ZNF385C: variants seen among roughly 807,000 people sequenced by gnomAD.
ZNF385C encodes zinc finger protein 385C, also known as CTD-2132N18.2.
In ZNF385C, 28 loss-of-function variants were observed where a neutral mutation model predicts 35.4. The observed-to-expected ratio is 0.79, with a 90% confidence interval of 0.59 to 1.08. The LOEUF (loss-of-function observed/expected upper bound fraction) is 1.08, where lower values mean the gene tolerates loss of function less well. Among genes scored for constraint, ZNF385C ranks in the 50% least tolerant of loss-of-function variants. The pLI is 0.00. For synonymous variants in ZNF385C, 248 were observed against 248.2 expected (o/e 1.00, Z 0.01); for missense variants, 605 against 595.6 (o/e 1.02, Z -0.16).
chr17:42,066,687 A>G (rs1427048721), intron 1 of ZNF385C, among the ~76,000 whole-genome samples: 4 of 152,176 alleles, frequency 2.6e-5, no homozygotes, highest in African/African-American at 9.7e-5. Context: ...TTATTTGGAA[A>G]TAGGGTCGTT....
At chr17:42,036,737 C>G (rs141050881) in intron 3 of ZNF385C, among the ~76,000 whole-genome samples, 3 of 152,116 alleles carry the variant, frequency 2.0e-5, no homozygotes, top group African/African-American at 7.2e-5. Context: ...CAATTGGAAC[C>G]ATGCCATTCA....
intron 2 of ZNF385C, 184 bp from the exon 3 acceptor site, chr17:42,038,069 T>A: frequency 6.5e-7 from 1 of 1,535,220 alleles, no homozygotes; most frequent in Non-Finnish European, 8.7e-7. Context: ...TCCCCACAGC[T>A]GGGGAAGCAG....
intron 2 of ZNF385C, chr17:42,040,545 G>A: frequency 5.7e-6 from 7 of 1,233,144 alleles, no homozygotes; most frequent in Non-Finnish European, 7.1e-6. Flanking sequence ...AGGCCACGAA[G>A]GTGAACTGGC....
chr17:42,078,031 C>T (rs1421809520), intron 1 of ZNF385C, among the ~76,000 whole-genome samples: 1 of 152,218 alleles, frequency 6.6e-6, no homozygotes, highest in Non-Finnish European at 1.5e-5. Context: ...GCCAGGCTCC[C>T]CCAGTGGAAA....
At chr17:42,081,494 C>T (rs1472950423) in intron 1 of ZNF385C, among the ~76,000 whole-genome samples, 2 of 152,172 alleles carry the variant, frequency 1.3e-5, no homozygotes, top group Non-Finnish European at 2.9e-5. Flanking sequence ...TCAAGTCATT[C>T]TCCTGCCTCA....
chr17:42,040,359 T>C, intron 2 of ZNF385C: 1 of 1,231,806 alleles, frequency 8.1e-7, no homozygotes, highest in Non-Finnish European at 1.0e-6. Flanking sequence ...GGTCCATGGA[T>C]GCCAGTTCCT....
intron 4 of ZNF385C, among the ~76,000 whole-genome samples, chr17:42,032,199 T>A (rs1382744182): frequency 6.6e-6 from 1 of 152,208 alleles, no homozygotes. Context: ...TAGCTGGGAC[T>A]ACAGGCGCCC....
chr17:42,039,790 G>A, intron 2 of ZNF385C: 9 of 1,232,320 alleles, frequency 7.3e-6, no homozygotes, highest in Non-Finnish European at 8.1e-6. Flanking sequence ...CTCGTGCAGC[G>A]GGGGCCCATC....
Position 42,027,529 on chromosome 17 carries a change from T to C in ZNF385C, c.1275+89A>G, listed in dbSNP as rs1489570465. On this transcript the variant is annotated intron_variant, in intron 8 of 8. Transcript: ENST00000692273. ...CTCATTGCAGGGTGGCCTCTTTTCC[T>C]GCCCCACCGCAGCCCCCCCATCTGG... 5 of 1,177,436 alleles carry C rather than the reference T, an allele frequency of 4.2e-6. No homozygotes were observed. The African/African-American group carries it at 7.8e-5, about 18-fold the overall frequency. 72.9% of individuals were successfully genotyped at this position (1,177,436 alleles called of 1,614,324 possible).
At chr17:42,038,610 GAAAAAA>G (rs3214150) in intron 2 of ZNF385C, 2 of 140,756 alleles carry the variant, frequency 1.4e-5, no homozygotes, top group Non-Finnish European at 3.1e-5. Flanking sequence ...GAAAATATCA[GAAAAAA>G]AAAAAAATCC....
chr17:42,085,596 ATT>A (rs781825380), intron 1 of ZNF385C, among the ~76,000 whole-genome samples: 28 of 107,566 alleles, frequency 2.6e-4, no homozygotes, highest in East Asian at 5.3e-4. Flanking sequence ...TCTGCAAAAC[ATT>A]TTTTTTTTTT....
At chr17:42,064,884 A>G (rs112808325) in intron 1 of ZNF385C, among the ~76,000 whole-genome samples, 8,257 of 151,814 alleles carry the variant, frequency 0.054, 320 homozygotes, top group African/African-American at 0.11. Context: ...GTCTTACTCT[A>G]TCACCCAGGT....
chr17:42,034,329 G>A lies in ZNF385C; in HGVS notation c.406C>T (p.Pro136Ser), dbSNP rs1361466269. ...TGGCTGATGACAGCTTTCTGGACCGGGTCCATCTGTGAAGGGAGTGGGAGG... is the reference window on the plus strand; with the variant it reads ...TGGCTGATGACAGCTTTCTGGACCGAGTCCATCTGTGAAGGGAGTGGGAGG... ...SLFPNFSTMD[P>S]VQKAVISHTF... Residue 136 changes from proline (P) to serine (S), a missense_variant, in exon 4 of 9, where the codon CCG becomes TCG. Transcript: ENST00000692273. The A allele has an allele frequency of 6.5e-7, 1 of 1,550,308 alleles. No individual in the cohort carries two copies. The highest frequency in any genetic ancestry group is 8.7e-7 in the Non-Finnish European group (1 of 1,146,898).
intron 1 of ZNF385C, among the ~76,000 whole-genome samples, chr17:42,072,891 C>T (rs1328441888): frequency 6.6e-6 from 1 of 152,064 alleles, no homozygotes; most frequent in African/African-American, 2.4e-5. Context: ...CCTGAGGGCT[C>T]CCAAGGTGTC....
chr17:42,026,427 C>G lies in ZNF385C; in HGVS notation c.*470G>C, dbSNP rs542087572. On this transcript the variant is annotated 3_prime_UTR_variant, in exon 9 of 9. Coordinates refer to ENST00000692273, the MANE Select transcript of ZNF385C (RefSeq NM_001392013.1). ...TTCTCCTCCATGGTCCTCTGTCACA[C>G]TCCCATGGTCACCTTGTCCTGACAG... 1 of 186,898 alleles carries G rather than the reference C, an allele frequency of 5.4e-6. No individual in the cohort carries two copies. The highest frequency in any genetic ancestry group is 1.1e-5 in the Non-Finnish European group (1 of 88,464). The allele number at this position is 186,898 out of a possible 1,614,324, so 11.6% of individuals were successfully genotyped here.
rs768767024 is a variant in ZNF385C, at chr17:42,095,054, G to A, written c.-3+3356C>T. 6.6e-6 allele frequency among the ~76,000 whole-genome samples: 1 copy of A among 152,152 alleles called. No homozygotes were observed. The highest frequency in any genetic ancestry group is 1.5e-5 in the Non-Finnish European group (1 of 68,012). On this transcript the variant is annotated intron_variant, in intron 1 of 8. Coordinates refer to ENST00000692273, the MANE Select transcript of ZNF385C (RefSeq NM_001392013.1). The surrounding 1 kb of genome is among the most constrained non-coding windows in gnomAD (Gnocchi z 4.4). ...CAGACCTCTGGGGGTTAGTGCAGGCGGGCATGCGTACCTGAGTGAGTTTGT... is the reference window on the plus strand; with the variant it reads ...CAGACCTCTGGGGGTTAGTGCAGGCAGGCATGCGTACCTGAGTGAGTTTGT...
intron 1 of ZNF385C, among the ~76,000 whole-genome samples, chr17:42,070,959 A>G (rs2053616120): frequency 6.6e-6 from 1 of 152,128 alleles, no homozygotes; most frequent in Admixed American, 6.5e-5. Context: ...GGAAGGGGAA[A>G]CAGCCCTCTT....
chr17:42,071,252 T>G (rs2053620503), intron 1 of ZNF385C, among the ~76,000 whole-genome samples: 1 of 152,162 alleles, frequency 6.6e-6, no homozygotes, highest in Non-Finnish European at 1.5e-5. Context: ...CGCCTTCCCC[T>G]GGGGCCTTCT....
intron 2 of ZNF385C, among the ~76,000 whole-genome samples, chr17:42,041,973 T>C (rs1239071179): frequency 6.6e-6 from 1 of 152,228 alleles, no homozygotes; most frequent in Non-Finnish European, 1.5e-5. Context: ...GTCACAAATC[T>C]AGATTTTTAT....
Sources: allele counts gnomAD v4.1 joint callset (sites outside exome capture counted in the v4.1 genomes callset), GRCh38; gene constraint gnomAD v4.1.1; non-coding constraint Gnocchi (gnomAD v3.1); transcripts MANE v1.5; gene names NCBI Gene and HGNC (gene_info 2026-07-23, HGNC 2026-07-21).